The following GDAP2 variants were observed in gnomAD, a reference collection of about 807,000 sequenced individuals.
GDAP2 encodes the protein ganglioside induced differentiation associated protein 2.
Under a neutral mutation model 67.0 loss-of-function variants are expected in GDAP2, and 51 were observed. The observed-to-expected ratio is 0.76, with a 90% CI of 0.61 to 0.96. GDAP2 has a LOEUF of 0.96. Ranked by LOEUF, GDAP2 falls within the 40% of genes least tolerant of loss-of-function variation. GDAP2 has a pLI of 0.00. For missense variants in GDAP2, 547 were observed against 588.3 expected, an observed-to-expected ratio of 0.93 and a Z score of 0.73; for synonymous variants, 203 against 207.3, an observed-to-expected ratio of 0.98 and a Z score of 0.18.
At chr1:117,906,447 A>G in intron 6 of GDAP2, 59 bp downstream of exon 6, 1 of 911,878 alleles carries the variant, frequency 1.1e-6, no homozygotes, top group Non-Finnish European at 1.8e-6. Flanking sequence ...GTGACAAGCC[A>G]AAGTCAAATG....
chr1:117,885,932 C>T (rs939752833), intron 10 of GDAP2, among the ~76,000 whole-genome samples: 7 of 152,110 alleles, frequency 4.6e-5, no homozygotes, highest in African/African-American at 1.7e-4. Flanking sequence ...GCTACTTCCA[C>T]ACTTTGGGTT....
chr1:117,888,967 A>G (rs74113079), intron 8 of GDAP2, among the ~76,000 whole-genome samples: 8,572 of 152,218 alleles, frequency 0.056, 587 homozygotes, highest in African/African-American at 0.16. Context: ...TACTGCTTGT[A>G]AAAAACACAG....
intron 3 of GDAP2, among the ~76,000 whole-genome samples, chr1:117,914,705 G>A (rs1176211841): frequency 6.6e-6 from 1 of 152,108 alleles, no homozygotes; most frequent in Non-Finnish European, 1.5e-5. Flanking sequence ...CAAACAATCA[G>A]GGATAAGAAT....
chr1:117,904,726 T>C (rs930887018), intron 6 of GDAP2, among the ~76,000 whole-genome samples: 5 of 152,172 alleles, frequency 3.3e-5, no homozygotes, highest in African/African-American at 1.2e-4. Context: ...GTCTCAGCAT[T>C]AGTCCGCCAA....
chr1:117,878,297 A>T (rs1396320082), intron 12 of GDAP2, 145 bp from the exon 13 acceptor site: 1 of 548,516 alleles, frequency 1.8e-6, no homozygotes, highest in African/African-American at 1.9e-5. Context: ...TGAATTTTGC[A>T]ATCATCAGTT....
chr1:117,923,962 T>C lies in GDAP2; in HGVS notation c.-67-3538A>G, dbSNP rs533056846. 6.2e-4 allele frequency among the ~76,000 whole-genome samples: 94 copies of C among 152,348 alleles called. 1 individual carries two copies. The South Asian group carries it at 0.019, about 31-fold the overall frequency. ...AAATTTATCTGCTGAAACTGTAGTG[T>C]CCCACAGTCTGGATATTGTTGCTTG... On this transcript the variant is annotated intron_variant, in intron 1 of 13. Transcript: ENST00000369443.
intron 7 of GDAP2, 120 bp from the exon 8 acceptor site, chr1:117,897,109 T>C: frequency 1.6e-6 from 1 of 613,000 alleles, no homozygotes; most frequent in Non-Finnish European, 2.8e-6. Context: ...AAGGTTATTT[T>C]TGAGAATGAA....
Position 117,918,181 on chromosome 1 carries a change from T to C in GDAP2, c.316+416A>G, listed in dbSNP as rs924424163. 5.3e-5 allele frequency among the ~76,000 whole-genome samples: 8 copies of C among 152,346 alleles called. No individual in the cohort carries two copies. The East Asian group carries it at 1.5e-3, about 29-fold the overall frequency. Reference sequence around the variant, plus strand: ...GTTTTTATACAATGGGAAGATTGAATTTCACAGTATTTCATTTGGGCACAA... The same window carrying C: ...GTTTTTATACAATGGGAAGATTGAACTTCACAGTATTTCATTTGGGCACAA... On this transcript the variant is annotated intron_variant, in intron 3 of 13. Transcript: ENST00000369443.
At chr1:117,928,959 C>T (rs1164138507) in intron 1 of GDAP2, among the ~76,000 whole-genome samples, 2 of 152,152 alleles carry the variant, frequency 1.3e-5, no homozygotes, top group Non-Finnish European at 2.9e-5. Flanking sequence ...CCCCCTCAAG[C>T]GGCCAGAGAG....
intron 6 of GDAP2, among the ~76,000 whole-genome samples, chr1:117,900,276 C>T (rs1162189748): frequency 6.6e-6 from 1 of 152,110 alleles, no homozygotes; most frequent in South Asian, 2.1e-4. Flanking sequence ...CCACCATACC[C>T]AGTTTCAGTG....
intron 5 of GDAP2, among the ~76,000 whole-genome samples, chr1:117,910,402 C>G (rs1202374638): frequency 6.6e-6 from 1 of 151,996 alleles, no homozygotes; most frequent in Non-Finnish European, 1.5e-5. Context: ...AAGATCCCTG[C>G]CCCTCAAGCT....
intron 8 of GDAP2, among the ~76,000 whole-genome samples, chr1:117,889,079 A>G (rs146948991): frequency 1.6e-3 from 237 of 152,334 alleles, no homozygotes; most frequent in Middle Eastern, 6.8e-3. Flanking sequence ...TTGTTTCAAA[A>G]TATAATTTCA....
intron 6 of GDAP2, among the ~76,000 whole-genome samples, chr1:117,901,990 C>CTGCCT (rs1649486944): frequency 6.6e-6 from 1 of 152,188 alleles, no homozygotes; most frequent in South Asian, 2.1e-4. Context: ...AAGTCCTGCC[C>CTGCCT]TGCCTTGCCT....
intron 6 of GDAP2, among the ~76,000 whole-genome samples, chr1:117,902,548 G>A (rs76655318): frequency 0.04 from 6,058 of 152,220 alleles, 171 homozygotes; most frequent in Non-Finnish European, 0.063. Flanking sequence ...AATACTATTC[G>A]TTGAAAAGGC....
intron 11 of GDAP2, 74 bp downstream of exon 11, chr1:117,883,414 G>A: frequency 9.4e-7 from 1 of 1,065,566 alleles, no homozygotes. Flanking sequence ...AGAATACAAA[G>A]CAATGTTTGC....
At chr1:117,881,428 G>A (rs1648642917) in intron 12 of GDAP2, among the ~76,000 whole-genome samples, 1 of 152,106 alleles carries the variant, frequency 6.6e-6, no homozygotes, top group Non-Finnish European at 1.5e-5. Context: ...GAATCTTAAG[G>A]GGTTACAATG....
intron 13 of GDAP2, among the ~76,000 whole-genome samples, chr1:117,872,048 A>G (rs562225132): frequency 1.5e-4 from 23 of 152,188 alleles, no homozygotes; most frequent in Non-Finnish European, 2.8e-4. Context: ...GACACTTCTC[A>G]AAAAAAGACA....
intron 10 of GDAP2, among the ~76,000 whole-genome samples, chr1:117,885,179 TTTA>T (rs1367464505): frequency 6.6e-6 from 1 of 152,082 alleles, no homozygotes; most frequent in African/African-American, 2.4e-5. Flanking sequence ...TTTATTATTC[TTTA>T]TTATTCTTTT....
intron 8 of GDAP2, among the ~76,000 whole-genome samples, chr1:117,896,042 G>A (rs1344277305): frequency 6.6e-6 from 1 of 152,140 alleles, no homozygotes; most frequent in Non-Finnish European, 1.5e-5. Context: ...GGAATGGCAA[G>A]TACCAAAGCT....
Sources: gnomAD v4.1 joint callset for allele counts (sites outside exome capture counted in the v4.1 genomes callset) on GRCh38, gnomAD v4.1.1 for gene constraint, MANE v1.5 for transcripts, NCBI Gene and HGNC (gene_info 2026-07-23, HGNC 2026-07-21) for gene names.